The following KLHDC10 variants were observed in gnomAD, a reference collection of about 807,000 sequenced individuals.
The protein encoded by KLHDC10 is kelch domain containing 10.
In KLHDC10, 24 loss-of-function variants were observed where a neutral mutation model predicts 56.1. The ratio of observed to expected loss-of-function variants is 0.43; its 90% CI spans 0.31 to 0.60. The LOEUF (loss-of-function observed/expected upper bound fraction) is 0.60. KLHDC10 is among the 20% of genes least tolerant of loss of function. The pLI is 0.11. For synonymous variants in KLHDC10, 188 were observed against 207.1 expected (o/e 0.91, Z 0.79); for missense variants, 349 against 567.0 (o/e 0.62, Z 3.91).
chr7:130,103,289 G>C (rs1795959817), intron 2 of KLHDC10, among the ~76,000 whole-genome samples: 1 of 152,086 alleles, frequency 6.6e-6, no homozygotes, highest in Non-Finnish European at 1.5e-5. Context: ...AGCCAGGCGT[G>C]GTGGCAGGTG....
intron 1 of KLHDC10, among the ~76,000 whole-genome samples, chr7:130,093,160 A>G (rs1795801528): frequency 6.6e-6 from 1 of 151,934 alleles, no homozygotes; most frequent in Non-Finnish European, 1.5e-5. Context: ...AAAACTAAAA[A>G]CTAGCAAAAA....
intron 1 of KLHDC10, among the ~76,000 whole-genome samples, chr7:130,091,164 G>T (rs1795767423): frequency 6.6e-6 from 1 of 152,112 alleles, no homozygotes; most frequent in South Asian, 2.1e-4. Context: ...AGGTTTTTGT[G>T]TGGACATAAG....
rs141306879 is a variant in KLHDC10 at position 130,116,313 on chromosome 7, AC to A, written c.254-131del. The A allele has an allele frequency of 1.9e-3, 1,239 of 641,162 alleles. 8 individuals carry two copies. Among genetic ancestry groups the A allele is most frequent in the African/African-American group, 0.018 (990 of 54,858 alleles). 39.7% of individuals were successfully genotyped at this position (641,162 alleles called of 1,614,324 possible). A position where few individuals can be genotyped will look rare whatever the true frequency, so the allele number is the denominator to read the frequency against. Reference sequence around the variant, plus strand: ...AAGTATATCCATGTTATAAATCTAAACAAATAAGAAGTATATCCATGTTATA... The same window carrying A: ...AAGTATATCCATGTTATAAATCTAAAAAATAAGAAGTATATCCATGTTATA... On this transcript the variant is annotated intron_variant, in intron 2 of 9. Transcript: ENST00000335420. This position sits in a 1 kb window ranked among gnomAD's most constrained non-coding sequence, Gnocchi z 4.8.
chr7:130,088,351 T>C (rs1045825933), intron 1 of KLHDC10, among the ~76,000 whole-genome samples: 2 of 151,832 alleles, frequency 1.3e-5, no homozygotes, highest in Admixed American at 1.3e-4. Flanking sequence ...CTTGGCTCAC[T>C]GCAACCTCTG....
intron 2 of KLHDC10, among the ~76,000 whole-genome samples, chr7:130,108,572 A>AAAAAAAAAAAAAAAAAAAAAAT (rs1405437913): frequency 2.1e-5 from 3 of 144,078 alleles, no homozygotes; most frequent in African/African-American, 7.8e-5. Context: ...AAAAAAAAAA[A>AAAAAAAAAAAAAAAAAAAAAAT]AGCTGGGCGT....
In KLHDC10 at chr7:130,120,511, C is replaced by T. The variant is rs1796234274; in HGVS notation, c.476-238C>T. 6.6e-6 allele frequency among the ~76,000 whole-genome samples: 1 copy of T among 152,162 alleles called. No homozygotes were observed. The highest frequency in any genetic ancestry group is 2.4e-5 in the African/African-American group (1 of 41,428). ...CAAAACTTTGAAATCCAACATGTTC[C>T]AGTGAGCATTTCCTTTAAGCATCAT... On this transcript the variant is annotated intron_variant, in intron 3 of 9. Coordinates refer to ENST00000335420, the MANE Select transcript of KLHDC10 (RefSeq NM_014997.4). The surrounding 1 kb of genome is among the most constrained non-coding windows in gnomAD (Gnocchi z 5.1).
intron 6 of KLHDC10, among the ~76,000 whole-genome samples, chr7:130,125,398 C>T (rs952311579): frequency 1.3e-5 from 2 of 152,012 alleles, no homozygotes; most frequent in East Asian, 1.9e-4. Context: ...AAAAAATTAG[C>T]TGGGCGTGTT....
At chr7:130,103,755 C>A (rs932143756) in intron 2 of KLHDC10, among the ~76,000 whole-genome samples, 1 of 152,048 alleles carries the variant, frequency 6.6e-6, no homozygotes, top group Non-Finnish European at 1.5e-5. Flanking sequence ...TTGTGACATA[C>A]CCCATTTTGA....
chr7:130,128,889 A>AAAAAAAAATAT, intron 8 of KLHDC10, among the ~76,000 whole-genome samples: 23 of 66,952 alleles, frequency 3.4e-4, no homozygotes, highest in Non-Finnish European at 4.7e-4. Context: ...AAAAAAAAAA[A>AAAAAAAAATAT]ATATATATAT....
intron 1 of KLHDC10, among the ~76,000 whole-genome samples, chr7:130,072,429 C>T (rs1003963050): frequency 3.9e-5 from 6 of 152,154 alleles, no homozygotes; most frequent in African/African-American, 4.8e-5. Flanking sequence ...GCCATTTATC[C>T]GGAGGTAAAG....
At chr7:130,108,741 GAAAGA>G (rs1333381066) in intron 2 of KLHDC10, among the ~76,000 whole-genome samples, 15 of 144,836 alleles carry the variant, frequency 1.0e-4, no homozygotes, top group African/African-American at 3.6e-4. Flanking sequence ...AAAAAAAAAA[GAAAGA>G]AAAGGGAAAA....
chr7:130,087,710 A>G (rs1384023175), intron 1 of KLHDC10, among the ~76,000 whole-genome samples: 1 of 152,130 alleles, frequency 6.6e-6, no homozygotes, highest in Non-Finnish European at 1.5e-5. Flanking sequence ...CATAAAACAA[A>G]TTCCTTAAAA....
chr7:130,128,889 A>AAAAAAT lies in KLHDC10; in HGVS notation c.980-547_980-546insAAAATA. On this transcript the variant is annotated intron_variant, in intron 8 of 9. Coordinates refer to ENST00000335420, the MANE Select transcript of KLHDC10 (RefSeq NM_014997.4). The stretch of plus-strand genomic sequence containing the variant: ...ACCTTGTCTCTTAAAAAAAAAAAAA[A>AAAAAAT]ATATATATATATATATATATATATA... 6.7e-3 allele frequency among the ~76,000 whole-genome samples: 451 copies of AAAAAAT among 66,926 alleles called. 9 individuals are homozygous for AAAAAAT. Among genetic ancestry groups the AAAAAAT allele is most frequent in the Non-Finnish European group, 0.01 (379 of 36,102 alleles). The allele number at this position is 66,926 out of a possible 152,430, so 43.9% of individuals were successfully genotyped here. A position where few individuals can be genotyped will look rare whatever the true frequency, so the allele number is the denominator to read the frequency against.
At chr7:130,106,041 C>T (rs543672788) in intron 2 of KLHDC10, among the ~76,000 whole-genome samples, 57 of 152,032 alleles carry the variant, frequency 3.7e-4, no homozygotes, top group South Asian at 8.3e-4. Context: ...CCTGGCTACT[C>T]GGGAGACTGA....
chr7:130,096,795 T>C (rs773654113), intron 1 of KLHDC10, 126 bp from the exon 2 acceptor site: 5 of 583,746 alleles, frequency 8.6e-6, no homozygotes, highest in African/African-American at 1.8e-5. Flanking sequence ...CTACTTTACG[T>C]CACTTTCTTT....
In KLHDC10 at chr7:130,131,524, TGTG is replaced by T. The variant is rs1163071504; in HGVS notation, c.*783_*785del. On this transcript the variant is annotated 3_prime_UTR_variant, in exon 10 of 10. Transcript: ENST00000335420. ...CAAGAATGTTTCAAACGGAAAAACT[TGTG>T]GTGGCCAAAGTTCTTCATTCTGGCA... 6.6e-6 allele frequency: 1 copy of T among 152,212 alleles called. No homozygotes were observed. Among genetic ancestry groups the T allele is most frequent in the East Asian group, 1.9e-4 (1 of 5,206 alleles). 9.4% of individuals were successfully genotyped at this position (152,212 alleles called of 1,614,324 possible).
At position 130,130,886 on chromosome 7, in the gene KLHDC10, TGTAAATTGGTTTTTCA is replaced by T; in HGVS notation, c.*143_*158del. On this transcript the variant is annotated 3_prime_UTR_variant, in exon 10 of 10. Transcript: ENST00000335420. This position sits in a 1 kb window ranked among gnomAD's most constrained non-coding sequence, Gnocchi z 4.2. The stretch of plus-strand genomic sequence containing the variant: ...TTAGAAAATACATCAGATGCCTTTC[TGTAAATTGGTTTTTCA>T]GTTTATGGACATCTCACTTTCCCAC... 2.5e-6 allele frequency: 2 copies of T among 784,812 alleles called. No individual in the cohort carries two copies. The highest frequency in any genetic ancestry group is 4.1e-6 in the Non-Finnish European group (2 of 489,464). The allele number at this position is 784,812 out of a possible 1,614,324, so 48.6% of individuals were successfully genotyped here. A position where few individuals can be genotyped will look rare whatever the true frequency, so the allele number is the denominator to read the frequency against.
In KLHDC10 at chr7:130,124,440, TA is replaced by T; in HGVS notation, c.780-8del. On this transcript the variant is annotated splice_polypyrimidine_tract_variant and intron_variant, in intron 5 of 9. Transcript: ENST00000335420. ...ACTTAATTATAAATGAATTTTATTG[TA>T]AATTTTCAGATACCGACATGAAATT... 6.4e-7 allele frequency: 1 copy of T among 1,551,752 alleles called. No individual in the cohort carries two copies. The highest frequency in any genetic ancestry group is 8.9e-7 in the Non-Finnish European group (1 of 1,126,276).
At chr7:130,080,561 T>TA (rs1201429630) in intron 1 of KLHDC10, among the ~76,000 whole-genome samples, 3 of 151,988 alleles carry the variant, frequency 2.0e-5, no homozygotes, top group South Asian at 2.1e-4. Flanking sequence ...CCTGGCTAAT[T>TA]AAAAAAAATT....
Sources: gnomAD v4.1 joint callset for allele counts (sites outside exome capture counted in the v4.1 genomes callset) on GRCh38, gnomAD v4.1.1 for gene constraint, Gnocchi (gnomAD v3.1) non-coding constraint, MANE v1.5 for transcripts, NCBI Gene and HGNC (gene_info 2026-07-23, HGNC 2026-07-21) for gene names.